The following ADGRL4 variants were observed in gnomAD, a reference collection of about 807,000 sequenced individuals.
ADGRL4 encodes adhesion G protein-coupled receptor L4, also known as EGF, latrophilin and seven transmembrane domain containing 1.
ADGRL4 carries 90 observed loss-of-function variants against 74.8 expected under a neutral mutation model. That is an observed-to-expected ratio of 1.20 (90% CI 1.02 to 1.43). The LOEUF is 1.43. Among genes scored for constraint, ADGRL4 ranks in the 40% most tolerant of loss-of-function variants. ADGRL4 has a pLI of 0.00. For missense variants in ADGRL4, 881 were observed against 814.3 expected (o/e 1.08, Z -1.00); for synonymous variants, 311 against 279.2 (o/e 1.11, Z -1.14).
intron 6 of ADGRL4, 133 bp downstream of exon 6, chr1:78,937,674 T>C (rs1352161270): frequency 3.9e-6 from 3 of 763,052 alleles, no homozygotes; most frequent in Non-Finnish European, 6.5e-6. Flanking sequence ...CACCATTCAT[T>C]TGTACACTGA....
chr1:79,002,968 C>A (rs1304277223), intron 2 of ADGRL4, among the ~76,000 whole-genome samples: 1 of 151,948 alleles, frequency 6.6e-6, no homozygotes, highest in Admixed American at 6.6e-5. Flanking sequence ...ATTACTATAA[C>A]ATTTCTTTGG....
At chr1:78,926,037 A>G (rs1431639192) in intron 8 of ADGRL4, among the ~76,000 whole-genome samples, 1 of 152,014 alleles carries the variant, frequency 6.6e-6, no homozygotes, top group Non-Finnish European at 1.5e-5. Flanking sequence ...TGCACTTTTT[A>G]TACATTTAGT....
At chr1:78,952,081 T>C (rs1269237278) in intron 2 of ADGRL4, among the ~76,000 whole-genome samples, 11 of 151,856 alleles carry the variant, frequency 7.2e-5, no homozygotes. Flanking sequence ...TGGAGAAAAA[T>C]AAAAAGAAAA....
intron 2 of ADGRL4, among the ~76,000 whole-genome samples, chr1:78,964,534 T>G (rs575717974): frequency 1.3e-5 from 2 of 152,326 alleles, no homozygotes; most frequent in South Asian, 4.1e-4. Flanking sequence ...CTACTTAAAA[T>G]GTTTTTATGT....
intron 12 of ADGRL4, among the ~76,000 whole-genome samples, chr1:78,896,581 A>G (rs1648403920): frequency 6.6e-6 from 1 of 152,038 alleles, no homozygotes; most frequent in African/African-American, 2.4e-5. Flanking sequence ...ACTACTTACC[A>G]TTTCCACAGA....
intron 2 of ADGRL4, among the ~76,000 whole-genome samples, chr1:78,975,396 T>C (rs1489375450): frequency 6.6e-6 from 1 of 152,084 alleles, no homozygotes; most frequent in Admixed American, 6.6e-5. Flanking sequence ...GTCACCCAGA[T>C]GGACAGTGGG....
chr1:78,900,284 C>A (rs1648490283), intron 12 of ADGRL4, among the ~76,000 whole-genome samples: 1 of 152,022 alleles, frequency 6.6e-6, no homozygotes, highest in African/African-American at 2.4e-5. Context: ...TTCCGCAGTC[C>A]CTCCAGAGAC....
chr1:78,997,198 G>A (rs1357976164), intron 2 of ADGRL4, among the ~76,000 whole-genome samples: 2 of 152,106 alleles, frequency 1.3e-5, no homozygotes, highest in South Asian at 4.1e-4. Context: ...GTCAAATCGG[G>A]ATATAAAAAG....
chr1:78,898,320 T>C (rs895524097), intron 12 of ADGRL4, among the ~76,000 whole-genome samples: 1 of 152,054 alleles, frequency 6.6e-6, no homozygotes, highest in Non-Finnish European at 1.5e-5. Flanking sequence ...AGAAAAATCA[T>C]TGGTATTCAT....
chr1:78,951,514 T>C (rs754811638), intron 2 of ADGRL4, among the ~76,000 whole-genome samples: 1 of 152,214 alleles, frequency 6.6e-6, no homozygotes, highest in South Asian at 2.1e-4. Context: ...TTTCTGTTGT[T>C]GATGGTTATC....
At chr1:78,924,072 G>C (rs996909107) in intron 8 of ADGRL4, among the ~76,000 whole-genome samples, 2 of 151,882 alleles carry the variant, frequency 1.3e-5, no homozygotes, top group Admixed American at 1.3e-4. Context: ...CTTTACAAGA[G>C]AGATAAAGAG....
chr1:78,993,271 A>C (rs1650645456), intron 2 of ADGRL4, among the ~76,000 whole-genome samples: 1 of 152,156 alleles, frequency 6.6e-6, no homozygotes, highest in Admixed American at 6.5e-5. Context: ...ATTTTAATCA[A>C]ATTTAGGGCA....
intron 12 of ADGRL4, among the ~76,000 whole-genome samples, chr1:78,894,662 A>T (rs1200689877): frequency 6.6e-6 from 1 of 151,846 alleles, no homozygotes; most frequent in Non-Finnish European, 1.5e-5. Context: ...AAATATATGC[A>T]CATATATTTA....
chr1:78,954,360 T>G (rs1033443423), intron 2 of ADGRL4, among the ~76,000 whole-genome samples: 1 of 151,828 alleles, frequency 6.6e-6, no homozygotes, highest in African/African-American at 2.4e-5. Flanking sequence ...CACAATTGAA[T>G]TTAAAAAACA....
intron 3 of ADGRL4, among the ~76,000 whole-genome samples, chr1:78,940,587 A>T (rs534560676): frequency 6.6e-6 from 1 of 152,262 alleles, no homozygotes; most frequent in South Asian, 2.1e-4. Flanking sequence ...AGTCTAGATC[A>T]TTACCTTGAA....
intron 9 of ADGRL4, among the ~76,000 whole-genome samples, chr1:78,920,995 T>A (rs928486255): frequency 6.6e-6 from 1 of 151,796 alleles, no homozygotes; most frequent in East Asian, 1.9e-4. Context: ...TTGGTTACTT[T>A]ATATATTTAA....
At chr1:78,978,203 C>G (rs750601927) in intron 2 of ADGRL4, among the ~76,000 whole-genome samples, 10 of 151,822 alleles carry the variant, frequency 6.6e-5, no homozygotes, top group Non-Finnish European at 1.3e-4. Flanking sequence ...TTAAAAGTAG[C>G]CTATATTCCT....
intron 8 of ADGRL4, among the ~76,000 whole-genome samples, chr1:78,924,446 G>T (rs1426587822): frequency 1.3e-5 from 2 of 151,920 alleles, no homozygotes; most frequent in Non-Finnish European, 2.9e-5. Context: ...TCTGACACAG[G>T]AGAGGAGAGA....
chr1:78,923,219 C>T (rs529483272), intron 8 of ADGRL4, among the ~76,000 whole-genome samples: 13 of 152,076 alleles, frequency 8.5e-5, no homozygotes, highest in African/African-American at 3.1e-4. Context: ...TGTGATTGTG[C>T]GTACCATTCA....
Sources: gnomAD v4.1 joint callset for allele counts (sites outside exome capture counted in the v4.1 genomes callset) on GRCh38, gnomAD v4.1.1 for gene constraint, MANE v1.5 for transcripts, NCBI Gene and HGNC (gene_info 2026-07-23, HGNC 2026-07-21) for gene names.